COG6: variants seen among roughly 807,000 people sequenced by gnomAD.
COG6 encodes component of oligomeric golgi complex 6.
Under a neutral mutation model 88.8 loss-of-function variants are expected in COG6, and 74 were observed. That is an observed-to-expected ratio of 0.83 (90% CI 0.69 to 1.01). COG6 has a LOEUF of 1.01. Ranked by LOEUF, COG6 falls within the 50% of genes least tolerant of loss-of-function variation. COG6 has a pLI of 0.00. For synonymous variants in COG6, 286 were observed against 278.7 expected (o/e 1.03, Z -0.26); for missense variants, 800 against 797.9 (o/e 1.00, Z -0.03).
intron 8 of COG6, among the ~76,000 whole-genome samples, chr13:39,684,963 T>G (rs541112779): frequency 6.6e-6 from 1 of 152,322 alleles, no homozygotes; most frequent in East Asian, 1.9e-4. Context: ...TTTGATAATT[T>G]ATTTTCTTTG....
exon 19 of COG6, chr13:39,791,660 G>A (rs1467050425): frequency 6.6e-6 from 1 of 151,762 alleles, no homozygotes; most frequent in African/African-American, 2.4e-5. Flanking sequence ...TGGTTAATAA[G>A]GTTTTATATC....
chr13:39,738,702 A>G (rs1359679051), intron 18 of COG6, among the ~76,000 whole-genome samples: 1 of 152,216 alleles, frequency 6.6e-6, no homozygotes, highest in Non-Finnish European at 1.5e-5. Context: ...AAGGATGACA[A>G]AAGATATACC....
intron 18 of COG6, among the ~76,000 whole-genome samples, chr13:39,776,893 G>A (rs1881479873): frequency 6.6e-6 from 1 of 152,166 alleles, no homozygotes; most frequent in South Asian, 2.1e-4. Flanking sequence ...AGTGTCTTTA[G>A]ATTCTTAATT....
At chr13:39,678,041 A>G (rs1876078604) in intron 5 of COG6, 7 of 449,448 alleles carry the variant, frequency 1.6e-5, no homozygotes, top group Admixed American at 1.2e-4. Context: ...CATACATCAT[A>G]GTACAGTTAG....
intron 13 of COG6, among the ~76,000 whole-genome samples, chr13:39,716,685 A>G (rs2138069769): frequency 6.6e-6 from 1 of 152,196 alleles, no homozygotes; most frequent in Admixed American, 6.5e-5. Context: ...ATATTTCCTG[A>G]GTGGTGCCCT....
At chr13:39,717,380 G>A (rs1878583210) in intron 13 of COG6, among the ~76,000 whole-genome samples, 1 of 151,910 alleles carries the variant, frequency 6.6e-6, no homozygotes, top group East Asian at 1.9e-4. Flanking sequence ...TAATCTTTCT[G>A]TCATTGTTTC....
At chr13:39,698,789 G>C (rs539658599) in intron 12 of COG6, among the ~76,000 whole-genome samples, 1 of 151,882 alleles carries the variant, frequency 6.6e-6, no homozygotes, top group Admixed American at 6.6e-5. Flanking sequence ...CTAGAAGGTT[G>C]TTAAAATCAC....
intron 18 of COG6, among the ~76,000 whole-genome samples, chr13:39,776,724 C>G (rs1881475061): frequency 1.3e-5 from 2 of 151,722 alleles, no homozygotes; most frequent in African/African-American, 4.9e-5. Flanking sequence ...CTGGTCTGGT[C>G]TTTAGTGACT....
chr13:39,782,705 G>A (rs1881665774), intron 18 of COG6, among the ~76,000 whole-genome samples: 1 of 152,102 alleles, frequency 6.6e-6, no homozygotes, highest in Admixed American at 6.6e-5. Context: ...AGGAAGTCAG[G>A]GGCTGCCTCC....
chr13:39,737,095 G>A (rs1464715202), intron 18 of COG6, among the ~76,000 whole-genome samples: 2 of 152,136 alleles, frequency 1.3e-5, no homozygotes, highest in Non-Finnish European at 2.9e-5. Context: ...GTGGTGTTGG[G>A]TGAGATCCAG....
At chr13:39,742,419 C>G (rs961081694) in intron 18 of COG6, among the ~76,000 whole-genome samples, 36 of 151,914 alleles carry the variant, frequency 2.4e-4, no homozygotes, top group Middle Eastern at 3.4e-3. Flanking sequence ...ATCTACCAAG[C>G]AAATGGAAAA....
chr13:39,733,674 C>T (rs1412686282), intron 18 of COG6, among the ~76,000 whole-genome samples: 1 of 151,578 alleles, frequency 6.6e-6, no homozygotes, highest in Non-Finnish European at 1.5e-5. Flanking sequence ...TGGAAGTATT[C>T]CCTTCTCATC....
intron 12 of COG6, among the ~76,000 whole-genome samples, chr13:39,697,097 A>T (rs547408968): frequency 1.1e-4 from 16 of 151,108 alleles, no homozygotes; most frequent in Non-Finnish European, 2.2e-4. Context: ...GGTAATGAAG[A>T]GTTCCGTTCA....
chr13:39,686,058 A>G (rs1291578157), intron 8 of COG6, among the ~76,000 whole-genome samples: 2 of 152,204 alleles, frequency 1.3e-5, no homozygotes, highest in Non-Finnish European at 2.9e-5. Flanking sequence ...TCACATGTTT[A>G]CCAAAATGTG....
Position 39,665,976 on chromosome 13 carries a change from G to A in COG6, c.428+822G>A, listed in dbSNP as rs190563232. Among the ~76,000 whole-genome samples the A allele has an allele frequency of 4.6e-3, 695 of 152,342 alleles. 7 individuals carry two copies. The highest frequency in any genetic ancestry group is 7.6e-3 in the Non-Finnish European group (518 of 68,034). ...GCTTTATTGGAACACAGCTATGGTT[G>A]TGTTTACATACTGTCTATGGCTGCT... On this transcript the variant is annotated intron_variant, in intron 4 of 18. Coordinates refer to ENST00000455146, the MANE Select transcript of COG6 (RefSeq NM_020751.3).
chr13:39,733,645 T>C (rs1879581050), intron 18 of COG6, among the ~76,000 whole-genome samples: 1 of 152,084 alleles, frequency 6.6e-6, no homozygotes, highest in South Asian at 2.1e-4. Flanking sequence ...GGTTAAATAC[T>C]GGCCTCATAG....
chr13:39,725,031 A>G (rs1323140920), intron 17 of COG6, among the ~76,000 whole-genome samples: 4 of 151,786 alleles, frequency 2.6e-5, no homozygotes, highest in Non-Finnish European at 5.9e-5. Context: ...TTTTCAGGTG[A>G]AGATCTTGTA....
intron 1 of COG6, among the ~76,000 whole-genome samples, chr13:39,658,904 A>G (rs938975022): frequency 1.3e-5 from 2 of 152,222 alleles, no homozygotes; most frequent in Non-Finnish European, 1.5e-5. Flanking sequence ...CACATTATAT[A>G]TGTGTCAACT....
In COG6 at chr13:39,769,230, C is replaced by T. The variant is rs552011289; in HGVS notation, c.1827-19105C>T. Among the ~76,000 whole-genome samples, 4 of 152,308 alleles carry T rather than the reference C, an allele frequency of 2.6e-5. No individual in the cohort carries two copies. In the South Asian group the frequency reaches 6.2e-4, roughly 24 times the overall value. ...ACTAGTGTTATGCATGAGAATTTCC[C>T]TACCTTGGAGTGAAATTCCTAGGTT... On this transcript the variant is annotated intron_variant, in intron 18 of 18. Coordinates refer to the COG6 transcript ENST00000416691.
Sources: gnomAD v4.1 joint callset for allele counts (sites outside exome capture counted in the v4.1 genomes callset) on GRCh38, gnomAD v4.1.1 for gene constraint, MANE v1.5 for transcripts, NCBI Gene and HGNC (gene_info 2026-07-23, HGNC 2026-07-21) for gene names.